GAS2L1: variants seen among roughly 807,000 people sequenced by gnomAD.
GAS2L1 encodes growth arrest specific 2 like 1, also known as GAS2-like protein 1.
Under a neutral mutation model 44.0 loss-of-function variants are expected in GAS2L1, and 26 were observed. The ratio of observed to expected loss-of-function variants is 0.59; its 90% CI spans 0.43 to 0.82. The LOEUF (loss-of-function observed/expected upper bound fraction) is 0.82. Ranked by LOEUF, GAS2L1 falls within the 40% of genes least tolerant of loss-of-function variation. The probability of loss-of-function intolerance (pLI) is 0.00; values close to 1 mark genes in which losing one functional copy is unlikely to be tolerated. For synonymous variants in GAS2L1, 426 were observed against 415.9 expected (o/e 1.02, Z -0.30); for missense variants, 1,006 against 983.0 (o/e 1.02, Z -0.31).
chr22:29,310,250 AAAAAAAATAAAAAAAAAT>A, intron 1 of GAS2L1, 171 bp from the exon 3 acceptor site: 1 of 341,398 alleles, frequency 2.9e-6, no homozygotes. Context: ...CTCAAAAAAA[AAAAAAAATAAAAAAAAAT>A]AAAAAAAATA....
exon 1 of GAS2L1, chr22:29,308,522 C>T (rs1233054304): frequency 1.2e-6 from 2 of 1,607,550 alleles, no homozygotes; most frequent in East Asian, 2.2e-5. Context: ...TGGTGCTGTG[C>T]CTGCTGGAGG....
rs148966168 is a variant in GAS2L1, at chr22:29,308,361, G to A, written c.256G>A (p.Ala86Thr). 243 of 1,605,070 alleles carry A rather than the reference G, an allele frequency of 1.5e-4. No individual in the cohort carries two copies. The highest frequency in any genetic ancestry group is 2.0e-4 in the Non-Finnish European group (231 of 1,175,550). Residue 86 changes from alanine (A) to threonine (T), a missense_variant, in exon 1 of 5, where the codon GCC becomes ACC. Coordinates refer to ENST00000618518, the Ensembl canonical transcript of GAS2L1. ...AGCCGCCCGCCCGGCCCGAGGTGTG[G>A]CCTTCCAGGCGCACAGTGTAGTGCC...
At chr22:29,312,234 A>G (rs750076971) in exon 5 of GAS2L1, 36 of 1,612,782 alleles carry the variant, frequency 2.2e-5, no homozygotes, top group Non-Finnish European at 2.9e-5. Context: ...TGGGCCCCGA[A>G]GCCAAGCCCT....
At chr22:29,311,092 T>C in intron 4 of GAS2L1, 94 bp downstream of exon 5, 2 of 1,253,030 alleles carry the variant, frequency 1.6e-6, no homozygotes, top group Non-Finnish European at 2.2e-6. Context: ...CCAGAGTGAC[T>C]CACACCCTGG....
At position 29,310,563 on chromosome 22, in the gene GAS2L1, G is replaced by T. The variant is rs748567975; in HGVS notation, c.741+17G>T. ...TTTGTGCGGGTAAGGGCCTGGGGCC[G>T]CCCCAGCGGGCAGCAGCCAAGGTGG... is the stretch of plus-strand genomic sequence containing the variant. On this transcript the variant is annotated intron_variant, in intron 2 of 4. Coordinates refer to ENST00000618518, the Ensembl canonical transcript of GAS2L1. 3.2e-6 allele frequency: 5 copies of T among 1,586,694 alleles called. No homozygotes were observed. The highest frequency in any genetic ancestry group is 4.3e-6 in the Non-Finnish European group (5 of 1,155,070).
exon 1 of GAS2L1, chr22:29,308,278 C>T (rs2061368532): frequency 1.2e-6 from 2 of 1,607,904 alleles, no homozygotes; most frequent in Non-Finnish European, 8.5e-7. Context: ...GGGCTGGCCA[C>T]GGGCACGACC....
At chr22:29,311,021 G>A (rs1173546335) in intron 4 of GAS2L1, 23 bp downstream of exon 5, 2 of 1,602,204 alleles carry the variant, frequency 1.2e-6, no homozygotes, top group African/African-American at 2.7e-5. Flanking sequence ...AGGACGAGGA[G>A]TGAGGGGTCC....
exon 1 of GAS2L1, chr22:29,307,396 C>G (rs1340060403): frequency 3.3e-5 from 5 of 152,376 alleles, no homozygotes; most frequent in African/African-American, 1.2e-4. Context: ...GGGGCCTGGC[C>G]CTGGCCCCGG....
chr22:29,308,494 G>T (rs1223256118), exon 1 of GAS2L1: 3 of 1,608,584 alleles, frequency 1.9e-6, no homozygotes, highest in Non-Finnish European at 8.5e-7. Flanking sequence ...CTGGTGCTGC[G>T]CAAGAACGAG....
chr22:29,306,943 G>A (rs2061354722), upstream of GAS2L1: 1 of 152,190 alleles, frequency 6.6e-6, no homozygotes, highest in Non-Finnish European at 1.5e-5. Context: ...CCGGCTCGGG[G>A]AAGGGGCGGC....
chr22:29,311,627 G>T (rs1378857007), exon 5 of GAS2L1: 1 of 1,536,956 alleles, frequency 6.5e-7, no homozygotes, highest in African/African-American at 1.4e-5. Flanking sequence ...CAGGCACCCC[G>T]GCCTCTCCGA....
exon 5 of GAS2L1, chr22:29,311,520 T>G (rs977831370): frequency 6.5e-7 from 1 of 1,536,084 alleles, no homozygotes; most frequent in African/African-American, 1.4e-5. Context: ...GGACAGTGAC[T>G]CCTCAGCCTC....
exon 1 of GAS2L1, chr22:29,308,131 C>T (rs764709290): frequency 3.2e-6 from 5 of 1,560,836 alleles, no homozygotes; most frequent in Non-Finnish European, 4.4e-6. Context: ...GCGGGCATCG[C>T]GGGCTCGGCG....
chr22:29,311,444 A>T lies in GAS2L1; in HGVS notation c.1011-18A>T, dbSNP rs1416910940. 1.0e-6 allele frequency: 1 copy of T among 1,000,010 alleles called. No individual in the cohort carries two copies. The highest frequency in any genetic ancestry group is 1.5e-6 in the Non-Finnish European group (1 of 679,498). 61.9% of individuals were successfully genotyped at this position (1,000,010 alleles called of 1,614,324 possible). ...CTTCCGTGGTACCCCATCTGTCTCT[A>T]TTGTCCCCCTGCCCCAGGCCCCGGG... On this transcript the variant is annotated intron_variant, in intron 4 of 4. Transcript: ENST00000618518.
At position 29,310,927 on chromosome 22, in the gene GAS2L1, C is replaced by G. The variant is rs868863984; in HGVS notation, c.939C>G (p.Arg313=). 4 of 1,613,626 alleles carry G rather than the reference C, an allele frequency of 2.5e-6. No individual in the cohort carries two copies. In the Admixed American group the frequency reaches 5.0e-5, roughly 20 times the overall value. Residue 313 remains arginine, a synonymous_variant, in exon 4 of 5, where the codon CGC becomes CGG. Transcript: ENST00000618518. ...CTAGCCCAGTCCCTGGGAGTGAGCG[C>G]CGGGGCTCCCGGCCTGAGATGACTC...
chr22:29,308,658 A>T (rs762725485), exon 1 of GAS2L1: 1 of 1,550,430 alleles, frequency 6.4e-7, no homozygotes, highest in East Asian at 2.3e-5. Context: ...GGAGGACACC[A>T]CTGAAACCGC....
At chr22:29,309,601 C>T (rs1219175582) in intron 1 of GAS2L1, among the ~76,000 whole-genome samples, 3 of 152,250 alleles carry the variant, frequency 2.0e-5, no homozygotes, top group Admixed American at 1.3e-4. Flanking sequence ...CAGGGCTGCC[C>T]ACATAGCCAG....
At chr22:29,310,685 G>T (rs1283719656) in exon 3 of GAS2L1, 8 of 1,607,940 alleles carry the variant, frequency 5.0e-6, no homozygotes, top group Non-Finnish European at 5.9e-6. Context: ...GCTGGGACAC[G>T]CTGGAGCATT....
chr22:29,311,297 C>T (rs1355005154), intron 4 of GAS2L1, 165 bp from the exon 6 acceptor site: 4 of 584,900 alleles, frequency 6.8e-6, no homozygotes, highest in Non-Finnish European at 1.2e-5. Context: ...GGGCCCTGGG[C>T]CGCTGGAGGA....
Sources: allele counts gnomAD v4.1 joint callset (sites outside exome capture counted in the v4.1 genomes callset), GRCh38; gene constraint gnomAD v4.1.1; transcripts MANE v1.5; gene names NCBI Gene and HGNC (gene_info 2026-07-23, HGNC 2026-07-21).